Variants in GLMN observed in about 807,000 individuals in gnomAD.
GLMN encodes the protein glomulin, FKBP associated protein.
In GLMN, 75 loss-of-function variants were observed where a neutral mutation model predicts 87.8. The ratio of observed to expected loss-of-function variants is 0.85; its 90% CI spans 0.71 to 1.04. The LOEUF is 1.04. Ranked by LOEUF, GLMN falls within the 50% of genes least tolerant of loss-of-function variation. The pLI, the probability that GLMN is intolerant of heterozygous loss-of-function variation, is 0.00. For missense variants in GLMN, 588 were observed against 658.8 expected (o/e 0.89, Z 1.18); for synonymous variants, 206 against 221.6 (o/e 0.93, Z 0.63).
chr1:92,310,853 C>T, the GLMN span, among the ~76,000 whole-genome samples: 18 of 152,264 alleles, frequency 1.2e-4, 1 homozygote, highest in African/African-American at 4.1e-4. Context: ...GCCGAGATCA[C>T]ACCATTGCGC....
chr1:92,317,987 A>G, the GLMN span, among the ~76,000 whole-genome samples: 2 of 152,128 alleles, frequency 1.3e-5, no homozygotes, highest in African/African-American at 4.8e-5. Context: ...CACAACCTCT[A>G]TCTCAATCTG....
chr1:92,307,360 C>G, the GLMN span: 2 of 886,834 alleles, frequency 2.3e-6, no homozygotes, highest in Admixed American at 3.0e-5. Context: ...GAGAGTAAGT[C>G]TAGTTTTCTG....
At chr1:92,274,862 A>AT (rs1199338387) in intron 7 of GLMN, among the ~76,000 whole-genome samples, 3 of 152,104 alleles carry the variant, frequency 2.0e-5, no homozygotes, top group Non-Finnish European at 4.4e-5. Flanking sequence ...TGATTCCTAC[A>AT]TTTTGACCTA....
intron 11 of GLMN, among the ~76,000 whole-genome samples, chr1:92,267,091 A>G (rs1046479957): frequency 6.6e-6 from 1 of 152,236 alleles, no homozygotes; most frequent in African/African-American, 2.4e-5. Context: ...CTATTTAAAT[A>G]TTAGGAAAAC....
At chr1:92,316,491 T>C in the GLMN span, among the ~76,000 whole-genome samples, 1 of 152,230 alleles carries the variant, frequency 6.6e-6, no homozygotes, top group Non-Finnish European at 1.5e-5. Flanking sequence ...ATCCACTAAG[T>C]TCTTTGGCAT....
At chr1:92,320,678 AATAGAAACATTAGG>A in the GLMN span, 3 of 1,512,418 alleles carry the variant, frequency 2.0e-6, no homozygotes, top group Non-Finnish European at 2.7e-6. Context: ...TATTTATGTT[AATAGAAACATTAGG>A]AGTGAACCAG....
intron 7 of GLMN, among the ~76,000 whole-genome samples, chr1:92,276,849 T>C (rs1647356364): frequency 6.6e-6 from 1 of 152,126 alleles, no homozygotes; most frequent in Non-Finnish European, 1.5e-5. Context: ...ATTGGCAAAA[T>C]GTTCATAATT....
the GLMN span, among the ~76,000 whole-genome samples, chr1:92,305,305 C>G: frequency 6.6e-6 from 1 of 151,098 alleles, no homozygotes; most frequent in Non-Finnish European, 1.5e-5. Context: ...TGATGGCGGG[C>G]GCCTGTAGTC....
At chr1:92,346,798 A>G in the GLMN span, among the ~76,000 whole-genome samples, 18 of 152,204 alleles carry the variant, frequency 1.2e-4, no homozygotes, top group African/African-American at 3.6e-4. Context: ...GGTTAAAACT[A>G]TTCAATAAGT....
the GLMN span, among the ~76,000 whole-genome samples, chr1:92,342,716 T>C: frequency 6.6e-6 from 1 of 152,100 alleles, no homozygotes. Flanking sequence ...AGATCCTATT[T>C]TGAAGGTGGA....
At chr1:92,322,492 C>T in the GLMN span, among the ~76,000 whole-genome samples, 2 of 146,274 alleles carry the variant, frequency 1.4e-5, no homozygotes, top group African/African-American at 5.0e-5. Flanking sequence ...TGCAGTGAAC[C>T]GAGATCTTGC....
intron 7 of GLMN, among the ~76,000 whole-genome samples, chr1:92,273,031 T>C (rs1401897083): frequency 6.6e-6 from 1 of 152,172 alleles, no homozygotes; most frequent in Non-Finnish European, 1.5e-5. Flanking sequence ...AGGGAATGAA[T>C]GACAAAAACA....
chr1:92,285,377 C>T (rs1348788101), intron 7 of GLMN, among the ~76,000 whole-genome samples: 2 of 152,100 alleles, frequency 1.3e-5, no homozygotes, highest in African/African-American at 2.4e-5. Context: ...GAAAACCAAA[C>T]ACCGCAGGTT....
chr1:92,336,265 G>A, the GLMN span: 1 of 868,918 alleles, frequency 1.2e-6, no homozygotes. Flanking sequence ...TATTAGCTAT[G>A]GAAAATTCAG....
chr1:92,300,416 C>T (rs186384767), upstream of GLMN, among the ~76,000 whole-genome samples: 1 of 152,160 alleles, frequency 6.6e-6, no homozygotes, highest in East Asian at 1.9e-4. Context: ...TCCTCTACTC[C>T]AGGCTTTAAG....
the GLMN span, chr1:92,345,878 C>T: frequency 4.9e-5 from 78 of 1,603,996 alleles, no homozygotes; most frequent in East Asian, 1.4e-3. Context: ...CACAAACCTG[C>T]GGAATGGACT....
upstream of GLMN, among the ~76,000 whole-genome samples, chr1:92,302,055 C>T (rs1474624279): frequency 2.0e-5 from 3 of 151,984 alleles, no homozygotes; most frequent in South Asian, 6.2e-4. Context: ...CTAAGGCAGG[C>T]GGATCACTTG....
At chr1:92,347,651 A>G in the GLMN span, among the ~76,000 whole-genome samples, 1 of 152,228 alleles carries the variant, frequency 6.6e-6, no homozygotes, top group East Asian at 1.9e-4. Flanking sequence ...GGCTACCATT[A>G]AAATTTCATA....
intron 6 of GLMN, 132 bp from the exon 7 acceptor site, chr1:92,286,724 A>G (rs1022930079): frequency 1.5e-6 from 1 of 670,392 alleles, no homozygotes. Flanking sequence ...TCTGCTCTCC[A>G]AAACTCATGT....
Sources: allele counts gnomAD v4.1 joint callset (sites outside exome capture counted in the v4.1 genomes callset), GRCh38; gene constraint gnomAD v4.1.1; transcripts MANE v1.5; gene names NCBI Gene and HGNC (gene_info 2026-07-23, HGNC 2026-07-21).